ZZEF1: variants seen among roughly 807,000 people sequenced by gnomAD.
ZZEF1 encodes the protein zinc finger ZZ-type and EF-hand domain containing 1, also known as zinc finger ZZ-type and EF-hand domain-containing protein 1.
Under a neutral mutation model 342.8 loss-of-function variants are expected in ZZEF1, and 157 were observed. That is an observed-to-expected ratio of 0.46 (90% CI 0.40 to 0.52). The LOEUF is 0.52. Among genes scored for constraint, ZZEF1 ranks in the 20% least tolerant of loss-of-function variants. The probability of loss-of-function intolerance (pLI) is 0.00; values close to 1 mark genes in which losing one functional copy is unlikely to be tolerated. For synonymous variants in ZZEF1, 1,505 were observed against 1,429.1 expected (o/e 1.05, Z -1.20); for missense variants, 3,480 against 3,725.6 (o/e 0.93, Z 1.72).
At chr17:4,020,926 C>A (rs142805698) in intron 45 of ZZEF1, among the ~76,000 whole-genome samples, 8 of 152,210 alleles carry the variant, frequency 5.3e-5, no homozygotes, top group South Asian at 2.1e-4. Context: ...AGTTTATAAC[C>A]CAAAATATTA....
At position 4,123,954 on chromosome 17, in the gene ZZEF1, T is replaced by C; in HGVS notation, c.452A>G (p.Glu151Gly). The change falls in exon 2 of 55, where the codon GAG (glutamate) becomes GGG (glycine). Residue 151 changes from glutamate (E) to glycine (G), a missense_variant. Glu to Gly is a moderately conservative substitution (Grantham distance 98). Coordinates refer to ENST00000381638, the MANE Select transcript of ZZEF1 (RefSeq NM_015113.4). Reference protein sequence around the residue: ...KNSSGANLQGELSHIIRQLQA... With the variant: ...KNSSGANLQGGLSHIIRQLQA... ...TAGTTGTCTGATGATGTGGCTCAGC[T>C]CCCCCTGAAGATTAGCTCCACTGGA... 2 of 1,613,800 alleles carry C rather than the reference T, an allele frequency of 1.2e-6. No homozygotes were observed. Among genetic ancestry groups the C allele is most frequent in the Admixed American group, 1.7e-5 (1 of 59,952 alleles).
intron 4 of ZZEF1, among the ~76,000 whole-genome samples, chr17:4,113,432 G>A (rs1048759635): frequency 5.3e-5 from 8 of 152,168 alleles, no homozygotes; most frequent in African/African-American, 1.9e-4. Flanking sequence ...GCTCACGCCT[G>A]TAATCCCAGC....
At chr17:4,069,594 G>A (rs1489932394) in intron 26 of ZZEF1, among the ~76,000 whole-genome samples, 1 of 152,212 alleles carries the variant, frequency 6.6e-6, no homozygotes, top group African/African-American at 2.4e-5. Context: ...ACTTTGGGAG[G>A]CTGAGGCAGG....
At chr17:4,128,218 C>T (rs981875111) in intron 1 of ZZEF1, among the ~76,000 whole-genome samples, 5 of 151,592 alleles carry the variant, frequency 3.3e-5, no homozygotes, top group South Asian at 2.1e-4. Flanking sequence ...TGTGGTGGCG[C>T]GTGCATGTAA....
At chr17:4,021,731 A>G (rs2056275857) in intron 44 of ZZEF1, among the ~76,000 whole-genome samples, 1 of 152,252 alleles carries the variant, frequency 6.6e-6, no homozygotes, top group Non-Finnish European at 1.5e-5. Flanking sequence ...ACCTTCATGT[A>G]TGATATGTAG....
intron 15 of ZZEF1, among the ~76,000 whole-genome samples, 180 bp downstream of exon 15, chr17:4,086,302 GGATT>G: frequency 7.0e-5 from 1 of 14,250 alleles, no homozygotes; most frequent in Non-Finnish European, 2.2e-4. Flanking sequence ...CCTTTCTGGG[GGATT>G]CCCACAGCGG....
In ZZEF1 at chr17:4,064,821, ACT is replaced by A; in HGVS notation, c.4256_4257del (p.Glu1419ValfsTer3). The A allele has an allele frequency of 6.5e-7, 1 of 1,550,248 alleles. No homozygotes were observed. The highest frequency in any genetic ancestry group is 1.1e-5 in the South Asian group (1 of 87,098). ...TEVNPESLAK[E>X]CIEKSLLLLK... ...AGTAATAGAAGACTCTTCTCAATGCACTCTTTTGCTAGATGCAAACAAGAATC... is the reference window on the plus strand; with the variant it reads ...AGTAATAGAAGACTCTTCTCAATGCACTTTTGCTAGATGCAAACAAGAATC... On this transcript the variant is annotated frameshift_variant, in exon 29 of 55. Coordinates refer to ENST00000381638, the MANE Select transcript of ZZEF1 (RefSeq NM_015113.4). LOFTEE classifies it high-confidence loss of function.
intron 1 of ZZEF1, among the ~76,000 whole-genome samples, chr17:4,125,119 C>T (rs2058553375): frequency 6.6e-6 from 1 of 152,130 alleles, no homozygotes; most frequent in South Asian, 2.1e-4. Flanking sequence ...CTCTGGTGTC[C>T]CTGACCCCCT....
At chr17:4,075,511 G>T (rs777696676) in intron 21 of ZZEF1, 82 bp from the exon 22 acceptor site, 12 of 1,511,920 alleles carry the variant, frequency 7.9e-6, no homozygotes, top group Non-Finnish European at 1.1e-5. Context: ...TTCTCTATCA[G>T]TGCTCCAGGC....
intron 2 of ZZEF1, among the ~76,000 whole-genome samples, chr17:4,118,446 G>T (rs762882817): frequency 1.3e-5 from 2 of 152,136 alleles, no homozygotes; most frequent in Non-Finnish European, 1.5e-5. Flanking sequence ...TCACCTATGG[G>T]GGTCTGCCAA....
At position 4,088,910 on chromosome 17, in the gene ZZEF1, A is replaced by G; in HGVS notation, c.2026-17T>C. 6.2e-7 allele frequency: 1 copy of G among 1,610,138 alleles called. No homozygotes were observed. Reference sequence around the variant, plus strand: ...CATCAAATACTGGACAGGACAAGAGAGATTTCAATAGAAGAACTCAGAATC... The same window carrying G: ...CATCAAATACTGGACAGGACAAGAGGGATTTCAATAGAAGAACTCAGAATC... On this transcript the variant is annotated splice_polypyrimidine_tract_variant and intron_variant, in intron 12 of 54. Transcript: ENST00000381638.
At chr17:4,123,365 C>T (rs2058521017) in intron 2 of ZZEF1, among the ~76,000 whole-genome samples, 1 of 145,418 alleles carries the variant, frequency 6.9e-6, no homozygotes, top group Admixed American at 7.0e-5. Flanking sequence ...TTCAGGCACC[C>T]ACTGGGGGTG....
At chr17:4,048,775 G>T (rs149899932) in intron 37 of ZZEF1, among the ~76,000 whole-genome samples, 1 of 151,722 alleles carries the variant, frequency 6.6e-6, no homozygotes, top group South Asian at 2.1e-4. Context: ...GTGCAGTGGC[G>T]CCATCTTGGC....
chr17:4,063,962 G>A (rs777415617), intron 29 of ZZEF1, among the ~76,000 whole-genome samples: 4 of 151,500 alleles, frequency 2.6e-5, no homozygotes, highest in East Asian at 1.9e-4. Context: ...ACCTGACCTC[G>A]GGTGATCCAC....
intron 8 of ZZEF1, among the ~76,000 whole-genome samples, chr17:4,102,774 T>G (rs1341686978): frequency 6.6e-6 from 1 of 152,158 alleles, no homozygotes; most frequent in Admixed American, 6.5e-5. Context: ...TTTATTACAA[T>G]TGCATTTAAA....
chr17:4,088,613 T>C (rs948701400), intron 13 of ZZEF1, 65 bp downstream of exon 13: 17 of 1,554,558 alleles, frequency 1.1e-5, no homozygotes, highest in Admixed American at 1.8e-5. Flanking sequence ...TTGGTGTTCA[T>C]TTCTCTGAAT....
chr17:4,104,202 G>C (rs1417956567), intron 8 of ZZEF1, among the ~76,000 whole-genome samples: 2 of 152,170 alleles, frequency 1.3e-5, no homozygotes, highest in African/African-American at 4.8e-5. Context: ...GGAATGCAGA[G>C]GAATGCATTC....
intron 19 of ZZEF1, among the ~76,000 whole-genome samples, chr17:4,077,224 G>A (rs1346133788): frequency 6.6e-6 from 1 of 152,064 alleles, no homozygotes; most frequent in Non-Finnish European, 1.5e-5. Flanking sequence ...ATGAAGTAGA[G>A]GAGCACTTGT....
Position 4,085,663 on chromosome 17 carries a change from T to C in ZZEF1, c.2646+7A>G, listed in dbSNP as rs1167802471. 29 of 1,613,718 alleles carry C rather than the reference T, an allele frequency of 1.8e-5. No homozygotes were observed. The highest frequency in any genetic ancestry group is 2.4e-5 in the Non-Finnish European group (28 of 1,179,760). On this transcript the variant is annotated splice_region_variant and intron_variant, in intron 16 of 54. Transcript: ENST00000381638. ...GACATTGAATCCAGACTTTTAGTAA[T>C]AATTACCATCATGGTGAAGAGATGG... is the stretch of plus-strand genomic sequence containing the variant.
Sources: gnomAD v4.1 joint callset for allele counts (sites outside exome capture counted in the v4.1 genomes callset) on GRCh38, gnomAD v4.1.1 for gene constraint, MANE v1.5 for transcripts, NCBI Gene and HGNC (gene_info 2026-07-23, HGNC 2026-07-21) for gene names.